LALBA: variants seen among roughly 807,000 people sequenced by gnomAD.
LALBA encodes the protein lactalbumin alpha.
In LALBA, 12 loss-of-function variants were observed where a neutral mutation model predicts 13.4. The ratio of observed to expected loss-of-function variants is 0.89; its 90% CI spans 0.57 to 1.45. LALBA has a LOEUF of 1.45. LALBA is among the 40% of genes most tolerant of loss of function. The pLI, the probability that LALBA is intolerant of heterozygous loss-of-function variation, is 0.00. For synonymous variants in LALBA, 64 were observed against 61.0 expected (o/e 1.05, Z -0.23); for missense variants, 145 against 165.9 (o/e 0.87, Z 0.69).
Position 48,569,208 on chromosome 12 carries a change from CAT to C in LALBA, c.164_165del (p.Tyr55Ter), listed in dbSNP as rs1565588524. The C allele has an allele frequency of 7.4e-6, 12 of 1,613,454 alleles. No homozygotes were observed. Among genetic ancestry groups the C allele is most frequent in the Non-Finnish European group, 1.0e-5 (12 of 1,179,580 alleles). ...LICTMFHTSGYDTQAIVENNE... is the reference protein window; with the variant it reads ...LICTMFHTSGXDTQAIVENNE... ...TTGTTTTCAACTATGGCTTGTGTGT[CAT>C]AACCACTGGTGTGAAACATGGTACA... is the stretch of plus-strand genomic sequence containing the variant. On this transcript the variant is annotated frameshift_variant, in exon 2 of 4. Coordinates refer to ENST00000301046, the MANE Select transcript of LALBA (RefSeq NM_002289.3). LOFTEE classifies it high-confidence loss of function.
chr12:48,569,953 G>C lies in LALBA; in HGVS notation c.68C>G (p.Thr23Arg). ...LFPAILAKQF[T>R]KCELSQLLKD... ...CAGCAGCTGGGACAGCTCACATTTT[G>C]TGAATTGCTTGGCCAGGATGGCAGG... The change falls in exon 1 of 4, where the codon ACA becomes AGA. Residue 23 changes from threonine to arginine, a missense_variant. Coordinates refer to ENST00000301046, the MANE Select transcript of LALBA (RefSeq NM_002289.3). The C allele has an allele frequency of 6.2e-7, 1 of 1,614,034 alleles. No individual in the cohort carries two copies. The highest frequency in any genetic ancestry group is 1.1e-5 in the South Asian group (1 of 91,064).
At chr12:48,569,440 A>G (rs1165857249) in intron 1 of LALBA, among the ~76,000 whole-genome samples, 200 bp from the exon 2 acceptor site, 2 of 152,208 alleles carry the variant, frequency 1.3e-5, no homozygotes. Context: ...GGGGCCAGGC[A>G]TGATGGCTCA....
chr12:48,569,457 T>C (rs981209928), intron 1 of LALBA, among the ~76,000 whole-genome samples: 1 of 152,196 alleles, frequency 6.6e-6, no homozygotes, highest in African/African-American at 2.4e-5. Flanking sequence ...CTCACGCTTG[T>C]AATCCCAACA....
Position 48,569,930 on chromosome 12 carries a change from G to A in LALBA, c.91C>T (p.Leu31=). The stretch of plus-strand genomic sequence containing the variant: ...CCTCCATAACCATCTATGTCTTTCA[G>A]CAGCTGGGACAGCTCACATTTTGTG... ...QFTKCELSQL[L]KDIDGYGGIA... The change falls in exon 1 of 4, where the codon CTG becomes TTG. Residue 31 remains leucine, a synonymous_variant. Coordinates refer to ENST00000301046, the MANE Select transcript of LALBA (RefSeq NM_002289.3). 1 of 1,614,086 alleles carries A rather than the reference G, an allele frequency of 6.2e-7. No individual in the cohort carries two copies. The highest frequency in any genetic ancestry group is 8.5e-7 in the Non-Finnish European group (1 of 1,180,004).
chr12:48,568,716 C>T (rs1225443936), intron 2 of LALBA, 124 bp from the exon 3 acceptor site: 2 of 642,838 alleles, frequency 3.1e-6, no homozygotes, highest in Non-Finnish European at 5.4e-6. Flanking sequence ...TGTTGTCTTT[C>T]TATATGAAAG....
rs1291613680 is a variant in LALBA at position 48,569,966 on chromosome 12, C to T, written c.55G>A (p.Ala19Thr). 1 of 1,613,936 alleles carries T rather than the reference C, an allele frequency of 6.2e-7. No individual in the cohort carries two copies. Among genetic ancestry groups the T allele is most frequent in the African/African-American group, 1.3e-5 (1 of 74,970 alleles). The change falls in exon 1 of 4, where the codon GCC becomes ACC. Residue 19 changes from alanine to threonine, a missense_variant. By Grantham distance (58) the Ala-to-Thr change is moderately conservative. Coordinates refer to ENST00000301046, the MANE Select transcript of LALBA (RefSeq NM_002289.3). Reference sequence around the variant, plus strand: ...AGCTCACATTTTGTGAATTGCTTGGCCAGGATGGCAGGGAACAGGATGCCC... The same window carrying T: ...AGCTCACATTTTGTGAATTGCTTGGTCAGGATGGCAGGGAACAGGATGCCC... ...LVGILFPAIL[A>T]KQFTKCELSQ...
chr12:48,570,081 T>C (rs542935651), upstream of LALBA: 10 of 1,592,870 alleles, frequency 6.3e-6, no homozygotes, highest in East Asian at 1.1e-4. Flanking sequence ...TTTATATTCA[T>C]GCAGAAAGCC....
chr12:48,568,543 G>A lies in LALBA; in HGVS notation c.342C>T (p.Ile114=). Residue 114 remains isoleucine (I), a synonymous_variant, in exon 3 of 4, where the codon ATC becomes ATT. Coordinates refer to ENST00000301046, the MANE Select transcript of LALBA (RefSeq NM_002289.3). ...AGTAGTCAATTCCTTTAATATCCAG[G>A]ATCTTCTTGGCACACATTATGTCAT... ...ITDDIMCAKK[I]LDIKGIDYWL... is the part of the protein sequence containing the mutation. 2 of 1,594,856 alleles carry A rather than the reference G, an allele frequency of 1.3e-6. No individual in the cohort carries two copies. Among genetic ancestry groups the A allele is most frequent in the Non-Finnish European group, 1.7e-6 (2 of 1,164,734 alleles).
Position 48,567,930 on chromosome 12 carries a change from G to A in LALBA, c.*27C>T, listed in dbSNP as rs746344946. 6.3e-7 allele frequency: 1 copy of A among 1,586,358 alleles called. No homozygotes were observed. Among genetic ancestry groups the A allele is most frequent in the East Asian group, 2.2e-5 (1 of 44,540 alleles). On this transcript the variant is annotated 3_prime_UTR_variant, in exon 4 of 4. Transcript: ENST00000301046. ...AGAGGTATTCCAGGAGTGTGGAGTG[G>A]GCAGGGGTGCCAAGGACAGCAGACA...
upstream of LALBA, chr12:48,570,200 C>T: frequency 1.6e-6 from 1 of 634,110 alleles, no homozygotes. Flanking sequence ...ATTCACCCTA[C>T]TTTTCCTTTC....
In LALBA at chr12:48,567,805, T is replaced by C. The variant is rs1207073723; in HGVS notation, c.*152A>G. On this transcript the variant is annotated 3_prime_UTR_variant, in exon 4 of 4. Coordinates refer to ENST00000301046, the MANE Select transcript of LALBA (RefSeq NM_002289.3). ...GCACCACTCAGGCATCCCTGGAAAA[T>C]AGTCTTCAAGAATTCGGTGATGTCA... is the stretch of plus-strand genomic sequence containing the variant. 1 of 673,096 alleles carries C rather than the reference T, an allele frequency of 1.5e-6. No homozygotes were observed. The highest frequency in any genetic ancestry group is 2.6e-6 in the Non-Finnish European group (1 of 380,376). 41.7% of individuals were successfully genotyped at this position (673,096 alleles called of 1,614,324 possible). A position where few individuals can be genotyped will look rare whatever the true frequency, so the allele number is the denominator to read the frequency against.
At chr12:48,568,960 C>T in intron 2 of LALBA, 122 bp downstream of exon 2, 1 of 861,112 alleles carries the variant, frequency 1.2e-6, no homozygotes, top group Non-Finnish European at 1.8e-6. Flanking sequence ...ATTCAAGTCC[C>T]ACAATTTTTA....
upstream of LALBA, among the ~76,000 whole-genome samples, chr12:48,571,536 T>C (rs1286340352): frequency 6.6e-6 from 1 of 151,730 alleles, no homozygotes; most frequent in Non-Finnish European, 1.5e-5. Flanking sequence ...AGGCACGTGT[T>C]ACCATGCCCG....
rs1938612374 is a variant in LALBA, at chr12:48,569,877, A to G, written c.133+11T>C. ...TGAGGAATGGATGAAACACAGAGGC[A>G]GGGAACTCACATTCAGGCAAAGCGA... On this transcript the variant is annotated intron_variant, in intron 1 of 3. Transcript: ENST00000301046. The G allele has an allele frequency of 6.2e-7, 1 of 1,613,670 alleles. No individual in the cohort carries two copies. The highest frequency in any genetic ancestry group is 1.1e-5 in the South Asian group (1 of 91,048).
At chr12:48,570,205 C>A, upstream of LALBA, 1 of 624,144 alleles carries the variant, frequency 1.6e-6, no homozygotes. Flanking sequence ...CCCTACTTTT[C>A]CTTTCCCTCT....
At chr12:48,569,015 A>C (rs1018203966) in intron 2 of LALBA, 67 bp downstream of exon 2, 4 of 1,393,320 alleles carry the variant, frequency 2.9e-6, no homozygotes, top group Middle Eastern at 2.0e-4. Context: ...GCTTGGCACT[A>C]AAAAGGAGAT....
upstream of LALBA, among the ~76,000 whole-genome samples, chr12:48,570,981 TAAA>T (rs35399476): frequency 6.0e-5 from 7 of 116,258 alleles, no homozygotes; most frequent in Non-Finnish European, 7.0e-5. Context: ...ACCCTATCTT[TAAA>T]AAAAAAAAAA....
intron 3 of LALBA, 65 bp downstream of exon 3, chr12:48,568,452 G>A (rs779055609): frequency 1.3e-5 from 12 of 892,820 alleles, no homozygotes; most frequent in Non-Finnish European, 2.1e-5. Flanking sequence ...AAGAGGAAAG[G>A]GGTGCTGGGC....
At chr12:48,569,025 T>C (rs1048531484) in intron 2 of LALBA, 57 bp downstream of exon 2, 2 of 1,458,626 alleles carry the variant, frequency 1.4e-6, no homozygotes, top group Non-Finnish European at 1.9e-6. Context: ...AAAAAGGAGA[T>C]TATCCCAAGG....
Sources: allele counts gnomAD v4.1 joint callset (sites outside exome capture counted in the v4.1 genomes callset), GRCh38; gene constraint gnomAD v4.1.1; transcripts MANE v1.5; gene names NCBI Gene and HGNC (gene_info 2026-07-23, HGNC 2026-07-21).